The following CAST variants were observed in gnomAD, a reference collection of about 807,000 sequenced individuals.
CAST encodes MIR583 host.
CAST carries 76 observed loss-of-function variants against 119.6 expected under a neutral mutation model. The observed-to-expected ratio is 0.64, with a 90% CI of 0.53 to 0.77. CAST has a LOEUF of 0.77. Ranked by LOEUF, CAST falls within the 30% of genes least tolerant of loss-of-function variation. The pLI, the probability that CAST is intolerant of heterozygous loss-of-function variation, is 0.00. For missense variants in CAST, 953 were observed against 946.5 expected (o/e 1.01, Z -0.09); for synonymous variants, 319 against 331.6 (o/e 0.96, Z 0.41).
the CAST span, among the ~76,000 whole-genome samples, chr5:96,038,047 T>A: frequency 2.0e-5 from 3 of 152,164 alleles, no homozygotes; most frequent in Admixed American, 1.3e-4. Flanking sequence ...TCAAGAGACC[T>A]TGGCAGAAGC....
chr5:96,442,281 A>G, the CAST span, among the ~76,000 whole-genome samples: 2 of 152,230 alleles, frequency 1.3e-5, no homozygotes, highest in Non-Finnish European at 2.9e-5. Flanking sequence ...AGGAAATAAT[A>G]CTATTTATGA....
chr5:96,561,796 G>GTTTTTTTTTTGTTTTTTTTTT lies in CAST; in HGVS notation c.60+31926_60+31927insGTTTTTTTTTTTTTTTTTTTT, dbSNP rs1554067789. ...GTGTATTATATATATGTTTTTTTTT[G>GTTTTTTTTTTGTTTTTTTTTT]TTTTTTTTTTTTTTGAGACGGAGTC... On this transcript the variant is annotated intron_variant, in intron 1 of 11. Transcript: ENST00000505143. Among the ~76,000 whole-genome samples, 9 of 97,400 alleles carry GTTTTTTTTTTGTTTTTTTTTT rather than the reference G, an allele frequency of 9.2e-5. No individual in the cohort carries two copies. The South Asian group carries it at 1.3e-3, about 14-fold the overall frequency. 63.9% of individuals were successfully genotyped at this position (97,400 alleles called of 152,430 possible). A position where few individuals can be genotyped will look rare whatever the true frequency, so the allele number is the denominator to read the frequency against.
the CAST span, among the ~76,000 whole-genome samples, chr5:96,094,656 A>C: frequency 6.6e-6 from 1 of 152,184 alleles, no homozygotes; most frequent in Admixed American, 6.6e-5. Context: ...AAAAGTTGAG[A>C]GAGGTGAAGT....
At chr5:96,482,966 C>T in the CAST span, among the ~76,000 whole-genome samples, 2 of 152,170 alleles carry the variant, frequency 1.3e-5, no homozygotes, top group South Asian at 2.1e-4. Context: ...ATACATCAAT[C>T]ACTTCTGAGC....
the CAST span, among the ~76,000 whole-genome samples, chr5:95,964,629 G>A: frequency 2.6e-5 from 4 of 152,148 alleles, no homozygotes; most frequent in Non-Finnish European, 5.9e-5. Context: ...ATAAGTTGGA[G>A]GTGGTATAGA....
intron 3 of CAST, among the ~76,000 whole-genome samples, chr5:96,704,884 G>T (rs1754621322): frequency 6.6e-6 from 1 of 152,166 alleles, no homozygotes; most frequent in African/African-American, 2.4e-5. Context: ...AAAAGGCATA[G>T]TCTTGGCATT....
the CAST span, among the ~76,000 whole-genome samples, chr5:96,393,534 T>A: frequency 3.9e-5 from 6 of 152,140 alleles, no homozygotes; most frequent in Non-Finnish European, 8.8e-5. Flanking sequence ...GGACTTGGGC[T>A]TCAACCCTCA....
the CAST span, among the ~76,000 whole-genome samples, chr5:96,265,569 T>C: frequency 1.3e-5 from 2 of 152,130 alleles, no homozygotes; most frequent in African/African-American, 4.8e-5. Flanking sequence ...CTCTACCTTT[T>C]TGTTCTATTC....
the CAST span, among the ~76,000 whole-genome samples, chr5:96,326,199 G>A: frequency 1.8e-4 from 28 of 152,076 alleles, no homozygotes; most frequent in Admixed American, 1.4e-3. Flanking sequence ...ATTTCTTCTG[G>A]TGCTGCTGCT....
At chr5:95,964,420 G>A in the CAST span, among the ~76,000 whole-genome samples, 4 of 152,188 alleles carry the variant, frequency 2.6e-5, no homozygotes, top group South Asian at 8.3e-4. Flanking sequence ...AAATTAAACT[G>A]TAAAGTCTCT....
chr5:96,662,878 C>G, intron 1 of CAST: 1 of 569,630 alleles, frequency 1.8e-6, no homozygotes. Context: ...AAGGCCGGGC[C>G]GCAGGGCGTG....
the CAST span, chr5:95,961,744 C>T: frequency 2.5e-6 from 4 of 1,575,776 alleles, no homozygotes; most frequent in Non-Finnish European, 2.6e-6. Flanking sequence ...GGGGTGCCGC[C>T]GCCGCCGCCG....
chr5:96,757,772 C>T, intron 24 of CAST, 118 bp downstream of exon 24: 1 of 662,734 alleles, frequency 1.5e-6, no homozygotes, highest in Non-Finnish European at 2.6e-6. Context: ...GTCACCGCAA[C>T]CTCCACCTTC....
intron 1 of CAST, among the ~76,000 whole-genome samples, chr5:96,601,413 C>G (rs1368231087): frequency 6.6e-6 from 1 of 152,240 alleles, no homozygotes; most frequent in Non-Finnish European, 1.5e-5. Flanking sequence ...AATAAAGTCT[C>G]ACCCAGGACT....
chr5:96,568,451 G>A (rs1307520891), intron 1 of CAST, among the ~76,000 whole-genome samples: 1 of 151,092 alleles, frequency 6.6e-6, no homozygotes, highest in East Asian at 2.0e-4. Context: ...TGTAATCCCA[G>A]CTACTTGGGA....
the CAST span, among the ~76,000 whole-genome samples, chr5:96,282,186 G>T: frequency 6.0e-5 from 9 of 148,982 alleles, no homozygotes; most frequent in African/African-American, 2.0e-4. Flanking sequence ...TGGGGGTGGG[G>T]TGTCTAATAC....
chr5:96,625,232 CAAT>C (rs1183960485), intron 1 of CAST, among the ~76,000 whole-genome samples: 1 of 152,144 alleles, frequency 6.6e-6, no homozygotes, highest in Non-Finnish European at 1.5e-5. Flanking sequence ...TAGAGTGTGA[CAAT>C]AATGATGTTT....
the CAST span, among the ~76,000 whole-genome samples, chr5:96,160,151 A>T: frequency 6.6e-6 from 1 of 152,026 alleles, no homozygotes. Flanking sequence ...AAAGAAAAAA[A>T]AAAATGTAAA....
chr5:96,255,761 T>G, the CAST span, among the ~76,000 whole-genome samples: 1 of 152,130 alleles, frequency 6.6e-6, no homozygotes, highest in Non-Finnish European at 1.5e-5. Flanking sequence ...GTGGCTTGAT[T>G]CTCACAAGTT....
Sources: gnomAD v4.1 joint callset for allele counts (sites outside exome capture counted in the v4.1 genomes callset) on GRCh38, gnomAD v4.1.1 for gene constraint, MANE v1.5 for transcripts, NCBI Gene and HGNC (gene_info 2026-07-23, HGNC 2026-07-21) for gene names.